The following LTBP2 variants were observed in gnomAD, a reference collection of about 807,000 sequenced individuals.
The protein encoded by LTBP2 is latent-transforming growth factor beta-binding protein 2.
Under a neutral mutation model 210.6 loss-of-function variants are expected in LTBP2, and 103 were observed. That is an observed-to-expected ratio of 0.49 (90% CI 0.42 to 0.58). The LOEUF (loss-of-function observed/expected upper bound fraction) is 0.58. LTBP2 is among the 20% of genes least tolerant of loss of function. LTBP2 has a pLI of 0.00. For missense variants in LTBP2, 2,313 were observed against 2,494.5 expected (o/e 0.93, Z 1.55); for synonymous variants, 1,007 against 1,015.0 (o/e 0.99, Z 0.15).
chr14:74,577,690 G>T (rs570500124), intron 3 of LTBP2, among the ~76,000 whole-genome samples: 4 of 151,870 alleles, frequency 2.6e-5, no homozygotes, highest in Non-Finnish European at 5.9e-5. Context: ...TGTATCTTTA[G>T]TAGAAATGGG....
chr14:74,503,304 C>T lies in LTBP2; in HGVS notation c.4803G>A (p.Gly1601=). The change falls in exon 33 of 36, where the codon GGG becomes GGA. Residue 1601 remains glycine, a synonymous_variant. Transcript: ENST00000261978. ...AGCATTCCGTGTAGGTGGTGCGGTG[C>T]CCACGCAGGGGTTCGCTGCACACAT... The part of the protein sequence containing the change: ...TNDVCSEPLR[G]HRTTYTECCC... The T allele has an allele frequency of 6.2e-7, 1 of 1,613,994 alleles. No individual in the cohort carries two copies.
intron 2 of LTBP2, among the ~76,000 whole-genome samples, chr14:74,595,151 G>A (rs1595298685): frequency 6.6e-6 from 1 of 152,262 alleles, no homozygotes; most frequent in Non-Finnish European, 1.5e-5. Context: ...TTTGGGTTTG[G>A]CGGCTGGAGG....
At chr14:74,589,930 G>A (rs149705185) in intron 2 of LTBP2, among the ~76,000 whole-genome samples, 170 of 152,266 alleles carry the variant, frequency 1.1e-3, no homozygotes, top group Admixed American at 5.2e-3. Flanking sequence ...TCCTTGCCCC[G>A]AGGATGGCCT....
At chr14:74,607,969 G>A (rs972866450) in intron 1 of LTBP2, among the ~76,000 whole-genome samples, 6 of 150,378 alleles carry the variant, frequency 4.0e-5, no homozygotes, top group South Asian at 2.1e-4. Context: ...GCCGGACTGC[G>A]GACTGCAGTG....
rs542749964 is a variant in LTBP2 at position 74,506,502 on chromosome 14, C to T, written c.4033+196G>A. ...CACCTGCTGCCCTGCTGGCAGAGCGCGGCTGTGCTTCCCCTTACCCGCCCG... is the reference window on the plus strand; with the variant it reads ...CACCTGCTGCCCTGCTGGCAGAGCGTGGCTGTGCTTCCCCTTACCCGCCCG... On this transcript the variant is annotated intron_variant, in intron 27 of 35. Transcript: ENST00000261978. 1.8e-4 allele frequency among the ~76,000 whole-genome samples: 27 copies of T among 152,342 alleles called. No individual in the cohort carries two copies. The South Asian group carries it at 4.6e-3, about 26-fold the overall frequency.
At chr14:74,536,341 A>C (rs753394883) in intron 8 of LTBP2, among the ~76,000 whole-genome samples, 10 of 152,238 alleles carry the variant, frequency 6.6e-5, no homozygotes, top group Non-Finnish European at 1.2e-4. Context: ...GATATTGATC[A>C]AAGGGTACAA....
chr14:74,547,070 C>A (rs2087586462), intron 8 of LTBP2, among the ~76,000 whole-genome samples: 1 of 152,238 alleles, frequency 6.6e-6, no homozygotes, highest in South Asian at 2.1e-4. Context: ...ATCTCTGCAC[C>A]CCTGATGGGC....
intron 2 of LTBP2, among the ~76,000 whole-genome samples, chr14:74,587,999 G>A (rs1272734741): frequency 6.6e-6 from 1 of 152,152 alleles, no homozygotes; most frequent in African/African-American, 2.4e-5. Context: ...CCTCTGCTCT[G>A]TCTTCTCTCT....
In LTBP2 at chr14:74,528,556, G is replaced by C. The variant is rs148839448; in HGVS notation, c.2295C>G (p.Pro765=). The part of the protein sequence containing the change: ...EQGQRSSGAL[P]GPAERQPLRV... Reference sequence around the variant, plus strand: ...GGAGGGGCTGCCTCTCTGCTGGCCCGGGCAGTGCCCCGCTGCTCCTCTGCC... The same window carrying C: ...GGAGGGGCTGCCTCTCTGCTGGCCCCGGCAGTGCCCCGCTGCTCCTCTGCC... The change falls in exon 12 of 36, where the codon CCC becomes CCG. Residue 765 remains proline, a synonymous_variant. Transcript: ENST00000261978. 1.2e-6 allele frequency: 2 copies of C among 1,613,134 alleles called. No homozygotes were observed. The highest frequency in any genetic ancestry group is 4.5e-5 in the East Asian group (2 of 44,890).
Position 74,549,895 on chromosome 14 carries a change from AC to A in LTBP2, c.1756del (p.Val586Ter), listed in dbSNP as rs776807257. ...GGGTGGGCATGGGGCACACAAAGTC[AC>A]CCCCCAGAAGGCTCCCACACTGCCA... is the stretch of plus-strand genomic sequence containing the variant. ...CCGSVGAFWG[V>X]TLCAPCPPRP... On this transcript the variant is annotated frameshift_variant, in exon 8 of 36. Coordinates refer to ENST00000261978, the MANE Select transcript of LTBP2 (RefSeq NM_000428.3). LOFTEE classifies it high-confidence loss of function. The A allele has an allele frequency of 9.3e-6, 15 of 1,612,990 alleles. No homozygotes were observed. The highest frequency in any genetic ancestry group is 1.1e-5 in the Non-Finnish European group (13 of 1,179,700).
intron 1 of LTBP2, among the ~76,000 whole-genome samples, chr14:74,608,328 ATAAAGT>A (rs973946524): frequency 2.0e-5 from 3 of 152,258 alleles, no homozygotes; most frequent in Non-Finnish European, 2.9e-5. Context: ...TTAACAGAAT[ATAAAGT>A]TAAAGAAAAA....
chr14:74,519,650 G>A (rs2087177244), intron 17 of LTBP2, among the ~76,000 whole-genome samples: 1 of 152,062 alleles, frequency 6.6e-6, no homozygotes, highest in Admixed American at 6.6e-5. Flanking sequence ...CTCTTCCAGT[G>A]GTACCCAAGC....
At chr14:74,555,751 C>T in intron 3 of LTBP2, 58 bp from the exon 4 acceptor site, 3 of 1,297,922 alleles carry the variant, frequency 2.3e-6, no homozygotes, top group Non-Finnish European at 3.1e-6. Context: ...GTCTGTGCCA[C>T]TCCTCATCCA....
chr14:74,509,877 AT>A lies in LTBP2; in HGVS notation c.3152-19del. 1 of 1,613,968 alleles carries A rather than the reference AT, an allele frequency of 6.2e-7. No homozygotes were observed. The highest frequency in any genetic ancestry group is 1.1e-5 in the South Asian group (1 of 91,082). ...ATCCACATCTGAAATAGGGCATTGC[AT>A]TCTGTGTGGGACTCTGCAGGACAGA... On this transcript the variant is annotated intron_variant, in intron 20 of 35. Transcript: ENST00000261978.
Position 74,551,111 on chromosome 14 carries a change from G to T in LTBP2, c.1639C>A (p.Pro547Thr). ...TAACACCGGCCCAGCAGTCCTCGAG[G>T]CCTGGGTGCTGCTGGGGGCAGTGGC... ...PRPLPPAAPR[P>T]RGLLGRCYLN... Residue 547 changes from proline (P) to threonine (T), a missense_variant, in exon 7 of 36, where the codon CCT becomes ACT. Physicochemically the swap from Pro to Thr is conservative, Grantham distance 38 (BLOSUM62 -1). Coordinates refer to ENST00000261978, the MANE Select transcript of LTBP2 (RefSeq NM_000428.3). 6.2e-7 allele frequency: 1 copy of T among 1,613,844 alleles called. No homozygotes were observed. Among genetic ancestry groups the T allele is most frequent in the Non-Finnish European group, 8.5e-7 (1 of 1,180,024 alleles).
chr14:74,595,299 A>T (rs1322292359), intron 2 of LTBP2, among the ~76,000 whole-genome samples: 1 of 152,102 alleles, frequency 6.6e-6, no homozygotes, highest in Non-Finnish European at 1.5e-5. Flanking sequence ...TGGGGCAGAG[A>T]GCAGCCCCAA....
Position 74,500,898 on chromosome 14 carries a change from T to C in LTBP2, c.5452A>G (p.Thr1818Ala). The C allele has an allele frequency of 6.2e-7, 1 of 1,614,076 alleles. No individual in the cohort carries two copies. Among genetic ancestry groups the C allele is most frequent in the Non-Finnish European group, 8.5e-7 (1 of 1,180,026 alleles). ...YVAEAGPPHCTAKE is the reference protein window; with the variant it reads ...YVAEAGPPHCAAKE Reference sequence around the variant, plus strand: ...ACCCCTGACTGCTACTCCTTGGCAGTGCAGTGGGGGGGCCCTGCCTCAGCC... The same window carrying C: ...ACCCCTGACTGCTACTCCTTGGCAGCGCAGTGGGGGGGCCCTGCCTCAGCC... The change falls in exon 36 of 36, where the codon ACT (threonine) becomes GCT (alanine). Residue 1818 changes from threonine (T) to alanine (A), a missense_variant. Transcript: ENST00000261978.
intron 2 of LTBP2, among the ~76,000 whole-genome samples, chr14:74,597,643 C>A (rs778666208): frequency 2.6e-4 from 39 of 152,222 alleles, no homozygotes; most frequent in Non-Finnish European, 5.0e-4. Flanking sequence ...CTCAGGGTAA[C>A]CTGCTCCCCA....
At chr14:74,508,495 G>A (rs1231751324) in intron 24 of LTBP2, 109 bp downstream of exon 24, 35 of 1,527,062 alleles carry the variant, frequency 2.3e-5, no homozygotes, top group Non-Finnish European at 2.9e-5. Context: ...TATTAAAAGG[G>A]ACACCACTCT....
Sources: gnomAD v4.1 joint callset for allele counts (sites outside exome capture counted in the v4.1 genomes callset) on GRCh38, gnomAD v4.1.1 for gene constraint, MANE v1.5 for transcripts, NCBI Gene and HGNC (gene_info 2026-07-23, HGNC 2026-07-21) for gene names.